CAPN2: variants seen among roughly 807,000 people sequenced by gnomAD.
CAPN2 encodes calpain 2, also known as calpain-2 catalytic subunit.
In CAPN2, 92 loss-of-function variants were observed where a neutral mutation model predicts 102.3. That is an observed-to-expected ratio of 0.90 (90% confidence interval 0.76 to 1.07). The LOEUF (loss-of-function observed/expected upper bound fraction) is 1.07, where lower values mean the gene tolerates loss of function less well. Ranked by LOEUF, CAPN2 falls within the 50% of genes least tolerant of loss-of-function variation. CAPN2 has a pLI of 0.00. For synonymous variants in CAPN2, 340 were observed against 355.4 expected (o/e 0.96, Z 0.49); for missense variants, 800 against 909.4 (o/e 0.88, Z 1.55).
At chr1:223,746,871 C>A in intron 4 of CAPN2, 126 bp from the exon 5 acceptor site, 1 of 744,020 alleles carries the variant, frequency 1.3e-6, no homozygotes, top group East Asian at 2.8e-5. Context: ...GGGAACAAGG[C>A]CAAGGAGAAT....
chr1:223,712,483 C>T (rs545043821), upstream of CAPN2: 27 of 1,178,390 alleles, frequency 2.3e-5, no homozygotes, highest in South Asian at 8.6e-4. Context: ...AGGCCACACC[C>T]CGCGGGCCGG....
At chr1:223,714,972 G>A (rs1440804264) in intron 1 of CAPN2, among the ~76,000 whole-genome samples, 5 of 152,168 alleles carry the variant, frequency 3.3e-5, no homozygotes, top group African/African-American at 4.8e-5. Flanking sequence ...TGACTTTTAC[G>A]ATCCCCATTT....
Position 223,726,552 on chromosome 1 carries a change from C to T in CAPN2, c.307+8721C>T. Among the ~76,000 whole-genome samples, 1 of 152,152 alleles carries T rather than the reference C, an allele frequency of 6.6e-6. No individual in the cohort carries two copies. The highest frequency in any genetic ancestry group is 1.9e-4 in the East Asian group (1 of 5,180). ...GAGAGGAAGAGTGAATGTCAAGCCCCAGCACCCTCGCCTCCCTCCCATCCT... is the reference window on the plus strand; with the variant it reads ...GAGAGGAAGAGTGAATGTCAAGCCCTAGCACCCTCGCCTCCCTCCCATCCT... On this transcript the variant is annotated intron_variant, in intron 2 of 20. Transcript: ENST00000295006. This position sits in a 1 kb window ranked among gnomAD's most constrained non-coding sequence, Gnocchi z 4.4.
chr1:223,771,609 A>C (rs543777569), intron 18 of CAPN2, 200 bp from the exon 19 acceptor site: 1 of 567,126 alleles, frequency 1.8e-6, no homozygotes, highest in African/African-American at 1.9e-5. Flanking sequence ...AGGCAGGGTG[A>C]AGGTGGACAG....
At chr1:223,716,189 C>T (rs576036139) in intron 1 of CAPN2, among the ~76,000 whole-genome samples, 4 of 152,300 alleles carry the variant, frequency 2.6e-5, no homozygotes, top group Admixed American at 6.5e-5. Context: ...TCTGAAGCAT[C>T]GCTTAGATGC....
chr1:223,744,041 T>C (rs1028313042), intron 2 of CAPN2, 59 bp from the exon 3 acceptor site: 1 of 1,203,470 alleles, frequency 8.3e-7, no homozygotes, highest in African/African-American at 1.5e-5. Context: ...AGACAAGATT[T>C]TTAACATCCT....
At chr1:223,774,577 G>A (rs886193226) in intron 20 of CAPN2, among the ~76,000 whole-genome samples, 3 of 152,196 alleles carry the variant, frequency 2.0e-5, no homozygotes, top group African/African-American at 4.8e-5. Flanking sequence ...TTTCTGTTGT[G>A]TGAATTTCAC....
At chr1:223,763,446 T>A (rs986651088) in intron 14 of CAPN2, among the ~76,000 whole-genome samples, 2 of 152,138 alleles carry the variant, frequency 1.3e-5, no homozygotes, top group African/African-American at 4.8e-5. Context: ...AAGGCAAACA[T>A]GACTGCAATC....
intron 12 of CAPN2, among the ~76,000 whole-genome samples, chr1:223,760,987 CA>C (rs1238404127): frequency 6.6e-6 from 1 of 152,220 alleles, no homozygotes; most frequent in African/African-American, 2.4e-5. Flanking sequence ...GCCCTGGACA[CA>C]GGGGCGGTGC....
intron 1 of CAPN2, among the ~76,000 whole-genome samples, chr1:223,703,331 TG>T (rs1380751994): frequency 2.0e-5 from 3 of 151,796 alleles, no homozygotes; most frequent in African/African-American, 7.3e-5. Flanking sequence ...TTTTTTTAGA[TG>T]GGGGTCTCTC....
chr1:223,747,539 C>T lies in CAPN2; in HGVS notation c.729+374C>T, dbSNP rs1571804144. 2.6e-5 allele frequency among the ~76,000 whole-genome samples: 4 copies of T among 152,166 alleles called. No homozygotes were observed. The East Asian group carries it at 7.7e-4, about 29-fold the overall frequency. On this transcript the variant is annotated intron_variant, in intron 5 of 20. Transcript: ENST00000295006. ...AGGGGAATTCATTGGGCTTAAAGAACATAAATGGTCTGGGATAAAGTCTGT... is the reference window on the plus strand; with the variant it reads ...AGGGGAATTCATTGGGCTTAAAGAATATAAATGGTCTGGGATAAAGTCTGT...
intron 18 of CAPN2, chr1:223,770,767 A>G (rs1661452682): frequency 8.6e-6 from 3 of 348,692 alleles, no homozygotes; most frequent in Non-Finnish European, 1.6e-5. Context: ...CGCCTGGCAC[A>G]GTAAGCAGGC....
chr1:223,747,935 CTG>C (rs999561015), intron 5 of CAPN2, among the ~76,000 whole-genome samples: 3 of 152,176 alleles, frequency 2.0e-5, no homozygotes, highest in Admixed American at 2.0e-4. Context: ...GTCAAGCTGT[CTG>C]GGGTGTAATG....
In CAPN2 at chr1:223,726,821, G is replaced by C. The variant is rs564147553; in HGVS notation, c.307+8990G>C. ...TACATGCATGGGGAATTCCACTTTG[G>C]GGGTATCCTTTTCTGGGCTGCTGCC... On this transcript the variant is annotated intron_variant, in intron 2 of 20. Coordinates refer to ENST00000295006, the MANE Select transcript of CAPN2 (RefSeq NM_001748.5). This position sits in a 1 kb window ranked among gnomAD's most constrained non-coding sequence, Gnocchi z 4.4. 1.3e-5 allele frequency among the ~76,000 whole-genome samples: 2 copies of C among 152,152 alleles called. No homozygotes were observed. Among genetic ancestry groups the C allele is most frequent in the Admixed American group, 6.5e-5 (1 of 15,280 alleles).
chr1:223,746,934 G>A, intron 4 of CAPN2, 63 bp from the exon 5 acceptor site: 8 of 1,470,674 alleles, frequency 5.4e-6, no homozygotes, highest in Non-Finnish European at 6.5e-6. Context: ...GGGGGTGGCT[G>A]TTTGAGAGAT....
intron 20 of CAPN2, among the ~76,000 whole-genome samples, chr1:223,774,003 A>G (rs950675258): frequency 1.2e-4 from 19 of 152,128 alleles, no homozygotes; most frequent in African/African-American, 4.6e-4. Context: ...ACTACATTCC[A>G]TCTTGGGTGA....
chr1:223,729,497 C>T (rs1660277588), intron 2 of CAPN2, among the ~76,000 whole-genome samples: 1 of 152,158 alleles, frequency 6.6e-6, no homozygotes, highest in Non-Finnish European at 1.5e-5. Flanking sequence ...CCAAGGAGGT[C>T]CTGAGAACCT....
rs780356775 is a variant in CAPN2, at chr1:223,712,857, A to T, written c.217A>T (p.Ile73Phe). The change falls in exon 1 of 21, where the codon ATC becomes TTC. Residue 73 changes from isoleucine to phenylalanine, a missense_variant. Physicochemically the swap from Ile to Phe is conservative, Grantham distance 21. Coordinates refer to ENST00000295006, the MANE Select transcript of CAPN2 (RefSeq NM_001748.5). ...GCCCTACTCCAGCAAAACCCGGGGC[A>T]TCGAGTGGAAGCGCCCCACGGTAGG... ...LGPYSSKTRG[I>F]EWKRPTEICA... 9 of 1,546,510 alleles carry T rather than the reference A, an allele frequency of 5.8e-6. No homozygotes were observed. In the Admixed American group the frequency reaches 1.8e-4, roughly 30 times the overall value.
At chr1:223,746,891 G>T in intron 4 of CAPN2, 106 bp from the exon 5 acceptor site, 1 of 945,298 alleles carries the variant, frequency 1.1e-6, no homozygotes, top group South Asian at 2.7e-5. Flanking sequence ...TGTGAGCAGG[G>T]GGTCCCTGGA....
Sources: gnomAD v4.1 joint callset for allele counts (sites outside exome capture counted in the v4.1 genomes callset) on GRCh38, gnomAD v4.1.1 for gene constraint, Gnocchi (gnomAD v3.1) non-coding constraint, MANE v1.5 for transcripts, NCBI Gene and HGNC (gene_info 2026-07-23, HGNC 2026-07-21) for gene names.